The following HDAC9 variants were observed in gnomAD, a reference collection of about 807,000 sequenced individuals.
HDAC9 encodes the protein MEF-2 interacting transcription repressor (MITR) protein.
In HDAC9, 41 loss-of-function variants were observed where a neutral mutation model predicts 139.4. The ratio of observed to expected loss-of-function variants is 0.29; its 90% CI spans 0.23 to 0.38. The LOEUF is 0.38. Among genes scored for constraint, HDAC9 ranks in the 10% least tolerant of loss-of-function variants. The probability of loss-of-function intolerance (pLI) is 1.00; values close to 1 mark genes in which losing one functional copy is unlikely to be tolerated. For missense variants in HDAC9, 1,147 were observed against 1,297.0 expected, an observed-to-expected ratio of 0.88 and a Z score of 1.78; for synonymous variants, 517 against 476.2, an observed-to-expected ratio of 1.09 and a Z score of -1.12.
intron 17 of HDAC9, among the ~76,000 whole-genome samples, chr7:18,818,508 C>A: frequency 6.6e-6 from 1 of 152,154 alleles, no homozygotes; most frequent in Non-Finnish European, 1.5e-5. Flanking sequence ...TTATAAATGT[C>A]ACATAGACTT....
chr7:18,289,317 A>G (rs1365363146), upstream of HDAC9, among the ~76,000 whole-genome samples: 2 of 152,198 alleles, frequency 1.3e-5, no homozygotes, highest in African/African-American at 4.8e-5. Flanking sequence ...GGTGGAAAAT[A>G]AATTCAATAA....
chr7:18,118,680 C>G (rs1247542379), intron 1 of HDAC9, among the ~76,000 whole-genome samples: 1 of 152,140 alleles, frequency 6.6e-6, no homozygotes, highest in Admixed American at 6.5e-5. Flanking sequence ...ACCCTACAGT[C>G]CAGGGCTTAA....
At chr7:18,100,427 A>G (rs191324066) in intron 1 of HDAC9, among the ~76,000 whole-genome samples, 2 of 150,648 alleles carry the variant, frequency 1.3e-5, no homozygotes, top group Admixed American at 6.6e-5. Context: ...TTATTCAGGA[A>G]CTCCAGTTGC....
chr7:18,727,612 C>G lies in HDAC9; in HGVS notation c.1764C>G (p.Leu588=). ...TGGAACCCACGCACACACGTGCGCT[C>G]TCTGTGCGCCAAGCTCCGCTGGCTG... ...PFLEPTHTRA[L]SVRQAPLAAV... is the part of the protein sequence containing the mutation. Residue 588 remains leucine, a synonymous_variant, in exon 13 of 26, where the codon CTC becomes CTG. Coordinates refer to ENST00000686413, the MANE Select transcript of HDAC9 (RefSeq NM_178425.4). 1 of 1,594,674 alleles carries G rather than the reference C, an allele frequency of 6.3e-7. No homozygotes were observed. The highest frequency in any genetic ancestry group is 8.5e-7 in the Non-Finnish European group (1 of 1,172,994).
rs1326583474 is a variant in HDAC9, at chr7:18,594,136, A to G, written c.664+107A>G. The G allele has an allele frequency of 4.4e-6, 5 of 1,132,816 alleles. No individual in the cohort carries two copies. In the East Asian group the frequency reaches 1.2e-4, roughly 27 times the overall value. The allele number at this position is 1,132,816 out of a possible 1,614,324, so 70.2% of individuals were successfully genotyped here. On this transcript the variant is annotated intron_variant, in intron 6 of 25. Transcript: ENST00000686413. ...TCAAAGGATTTGAGTCGTAGATAAT[A>G]TACCTCCCCACCCCTGCCCCCAGCA...
At chr7:18,188,919 G>A (rs1031662908) in intron 2 of HDAC9, among the ~76,000 whole-genome samples, 1 of 152,178 alleles carries the variant, frequency 6.6e-6, no homozygotes, top group African/African-American at 2.4e-5. Flanking sequence ...TTCAACCATT[G>A]TGGAAGACAG....
At chr7:18,720,358 A>G (rs555935055) in intron 12 of HDAC9, among the ~76,000 whole-genome samples, 26 of 151,702 alleles carry the variant, frequency 1.7e-4, no homozygotes, top group African/African-American at 6.0e-4. Flanking sequence ...ATAATGTTTT[A>G]ATGGATTTAT....
intron 24 of HDAC9, among the ~76,000 whole-genome samples, chr7:18,974,639 TG>T (rs1166735869): frequency 6.6e-6 from 1 of 152,230 alleles, no homozygotes; most frequent in Admixed American, 6.5e-5. Context: ...CTATGTCAGA[TG>T]GTCTTGTTGG....
At chr7:18,639,696 T>A (rs1346319986) in intron 8 of HDAC9, among the ~76,000 whole-genome samples, 1 of 152,080 alleles carries the variant, frequency 6.6e-6, no homozygotes, top group East Asian at 1.9e-4. Context: ...GAGGCTTTTC[T>A]TTTTTAAAAC....
chr7:18,424,916 T>C (rs999855900), intron 1 of HDAC9, among the ~76,000 whole-genome samples: 2 of 152,102 alleles, frequency 1.3e-5, no homozygotes, highest in Admixed American at 1.3e-4. Flanking sequence ...TAAATAATAA[T>C]AATTAAAATA....
intron 22 of HDAC9, among the ~76,000 whole-genome samples, chr7:18,912,637 A>G (rs988859607): frequency 3.9e-5 from 6 of 152,108 alleles, no homozygotes; most frequent in Admixed American, 3.3e-4. Flanking sequence ...TGAACATTCT[A>G]CAGTGCACTG....
rs962980881 is a variant in HDAC9, at chr7:18,799,957, C to T, written c.2322+6505C>T. 9.9e-5 allele frequency among the ~76,000 whole-genome samples: 15 copies of T among 152,088 alleles called. 1 individual carries two copies. Among genetic ancestry groups the T allele is most frequent in the Admixed American group, 2.0e-4 (3 of 15,272 alleles). On this transcript the variant is annotated intron_variant, in intron 17 of 25. Coordinates refer to ENST00000686413, the MANE Select transcript of HDAC9 (RefSeq NM_178425.4). ...ATAAACTCAGAGATCCATACCTAGA[C>T]GCACCATAATGAAACCATTGAAATC...
chr7:18,087,580 G>A (rs1781878365), intron 1 of HDAC9, among the ~76,000 whole-genome samples: 1 of 152,134 alleles, frequency 6.6e-6, no homozygotes, highest in African/African-American at 2.4e-5. Flanking sequence ...TGCTTGAGGG[G>A]AGCAACGCTT....
At chr7:18,869,395 A>G (rs1348534198) in intron 21 of HDAC9, among the ~76,000 whole-genome samples, 2 of 151,968 alleles carry the variant, frequency 1.3e-5, no homozygotes, top group Non-Finnish European at 2.9e-5. Context: ...GTTTAAAAGT[A>G]GCACCTCCTT....
At chr7:18,114,949 C>G (rs980149046) in intron 1 of HDAC9, among the ~76,000 whole-genome samples, 8 of 152,170 alleles carry the variant, frequency 5.3e-5, no homozygotes. Context: ...TGTTCATACA[C>G]TCCCAGGGAG....
At position 18,776,716 on chromosome 7, in the gene HDAC9, CA is replaced by C. The variant is rs1263248401; in HGVS notation, c.2214+9562del. ...TTGCTTTTTTGGATATTAGGATAGA[CA>C]GGTGAGGGGTGACCTGGGAGCCCTG... On this transcript the variant is annotated intron_variant, in intron 16 of 25. Coordinates refer to ENST00000686413, the MANE Select transcript of HDAC9 (RefSeq NM_178425.4). 2.0e-5 allele frequency among the ~76,000 whole-genome samples: 3 copies of C among 151,756 alleles called. No homozygotes were observed. The East Asian group carries it at 5.8e-4, about 30-fold the overall frequency.
chr7:18,532,277 CAAAA>C (rs1282804010), intron 2 of HDAC9, among the ~76,000 whole-genome samples: 1 of 151,984 alleles, frequency 6.6e-6, no homozygotes, highest in Non-Finnish European at 1.5e-5. Context: ...AACAAACAAA[CAAAA>C]AACCACAAAG....
At chr7:18,380,623 C>T (rs543967113) in intron 1 of HDAC9, among the ~76,000 whole-genome samples, 11 of 152,260 alleles carry the variant, frequency 7.2e-5, no homozygotes, top group African/African-American at 1.2e-4. Context: ...TATGGTCTAG[C>T]GATGGTCTTC....
chr7:18,604,722 G>T (rs970006058), intron 6 of HDAC9, among the ~76,000 whole-genome samples: 2 of 152,072 alleles, frequency 1.3e-5, no homozygotes, highest in Admixed American at 6.6e-5. Context: ...AATTTCTACT[G>T]CTGTGCTTTT....
Sources: gnomAD v4.1 joint callset for allele counts (sites outside exome capture counted in the v4.1 genomes callset) on GRCh38, gnomAD v4.1.1 for gene constraint, MANE v1.5 for transcripts, NCBI Gene and HGNC (gene_info 2026-07-23, HGNC 2026-07-21) for gene names.